RANBP2: variants seen among roughly 807,000 people sequenced by gnomAD.
RANBP2 encodes the protein E3 SUMO-protein ligase RanBP2.
A neutral mutation model predicts 303.6 loss-of-function variants in RANBP2; 57 were observed. The observed-to-expected ratio is 0.19, with a 90% confidence interval of 0.15 to 0.23. The LOEUF (loss-of-function observed/expected upper bound fraction) is 0.23. Ranked by LOEUF, RANBP2 falls within the 10% of genes least tolerant of loss-of-function variation. RANBP2 has a pLI of 1.00. For synonymous variants in RANBP2, 1,167 were observed against 1,301.5 expected (o/e 0.90, Z 2.23); for missense variants, 3,138 against 3,780.8 (o/e 0.83, Z 4.46).
At chr2:109,733,770 G>A in the RANBP2 span, among the ~76,000 whole-genome samples, 1 of 151,920 alleles carries the variant, frequency 6.6e-6, no homozygotes, top group African/African-American at 2.4e-5. Context: ...TACCCAGGAG[G>A]CTGAGGTGGG....
At chr2:109,149,674 C>T in the RANBP2 span, among the ~76,000 whole-genome samples, 1 of 152,176 alleles carries the variant, frequency 6.6e-6, no homozygotes, top group Non-Finnish European at 1.5e-5. Flanking sequence ...GTGGCAGCAG[C>T]AACGTTGCAG....
chr2:108,764,386 A>T lies in RANBP2; in HGVS notation c.3847A>T (p.Ile1283Phe). Reference sequence around the variant, plus strand: ...GTTGCCAAAACCAGAACAACTTGCTATTAGGTTCAAAACTCCTGAGGAAGC... The same window carrying T: ...GTTGCCAAAACCAGAACAACTTGCTTTTAGGTTCAAAACTCCTGAGGAAGC... ...DELPKPEQLA[I>F]RFKTPEEAAL... The change falls in exon 20 of 29, where the codon ATT (isoleucine) becomes TTT (phenylalanine). Residue 1283 changes from isoleucine to phenylalanine, a missense_variant. Transcript: ENST00000283195. 1 of 1,613,996 alleles carries T rather than the reference A, an allele frequency of 6.2e-7. No homozygotes were observed.
the RANBP2 span, among the ~76,000 whole-genome samples, chr2:109,678,219 T>C: frequency 4.6e-5 from 7 of 152,256 alleles, no homozygotes; most frequent in South Asian, 8.3e-4. Context: ...GCTCAGATTA[T>C]ATAATTTTTT....
the RANBP2 span, chr2:109,574,770 G>A: frequency 6.4e-7 from 1 of 1,560,062 alleles, no homozygotes; most frequent in African/African-American, 1.4e-5. Context: ...GTTGGTAGCT[G>A]AAAAATTATT....
chr2:109,196,209 C>G, the RANBP2 span, among the ~76,000 whole-genome samples: 2 of 152,202 alleles, frequency 1.3e-5, no homozygotes, highest in Admixed American at 6.5e-5. Flanking sequence ...ACCCTTGAGG[C>G]CATGTCGGGG....
chr2:109,711,755 C>A, the RANBP2 span, among the ~76,000 whole-genome samples: 1 of 152,160 alleles, frequency 6.6e-6, no homozygotes, highest in Admixed American at 6.6e-5. Flanking sequence ...TTATGAGGGG[C>A]CTTTCCACAC....
the RANBP2 span, among the ~76,000 whole-genome samples, chr2:109,243,127 C>A: frequency 1.3e-5 from 2 of 152,218 alleles, no homozygotes; most frequent in Non-Finnish European, 2.9e-5. Flanking sequence ...TTCAGGCAGA[C>A]AATTGGGAGC....
the RANBP2 span, among the ~76,000 whole-genome samples, chr2:109,111,171 T>C: frequency 6.6e-6 from 1 of 152,332 alleles, no homozygotes; most frequent in Non-Finnish European, 1.5e-5. Context: ...TGGACCAGCA[T>C]TCTTTATCAT....
At chr2:109,098,002 G>A in the RANBP2 span, among the ~76,000 whole-genome samples, 7 of 152,154 alleles carry the variant, frequency 4.6e-5, no homozygotes, top group African/African-American at 1.7e-4. Context: ...CCTTCCCCTG[G>A]AAGGCAAAGC....
At chr2:109,698,903 A>G in the RANBP2 span, among the ~76,000 whole-genome samples, 1 of 152,244 alleles carries the variant, frequency 6.6e-6, no homozygotes, top group African/African-American at 2.4e-5. Context: ...AGCCTGGGCA[A>G]CACAGTGAGA....
chr2:109,632,825 A>C, the RANBP2 span, among the ~76,000 whole-genome samples: 24,992 of 151,762 alleles, frequency 0.16, 2,598 homozygotes, highest in African/African-American at 0.29. Flanking sequence ...TCTCAAAAAA[A>C]AAAACAAAAC....
chr2:109,650,022 G>C, the RANBP2 span, among the ~76,000 whole-genome samples: 1 of 152,176 alleles, frequency 6.6e-6, no homozygotes, highest in Non-Finnish European at 1.5e-5. Context: ...AAGTTTCTCA[G>C]AACAGTCTCA....
the RANBP2 span, among the ~76,000 whole-genome samples, chr2:109,299,088 G>T: frequency 6.6e-6 from 1 of 152,132 alleles, no homozygotes; most frequent in African/African-American, 2.4e-5. Flanking sequence ...CAAGCCACTG[G>T]GCAGGCTCCC....
chr2:109,497,703 G>GA, the RANBP2 span, among the ~76,000 whole-genome samples: 2 of 152,230 alleles, frequency 1.3e-5, no homozygotes, highest in African/African-American at 2.4e-5. Flanking sequence ...GATCTGGACA[G>GA]AAACGTTAAA....
At chr2:108,880,095 C>T in the RANBP2 span, among the ~76,000 whole-genome samples, 2 of 151,180 alleles carry the variant, frequency 1.3e-5, no homozygotes, top group Non-Finnish European at 2.9e-5. Flanking sequence ...TTTTAAAAAA[C>T]AGAAATCAAT....
chr2:109,443,608 A>G, the RANBP2 span, among the ~76,000 whole-genome samples: 1 of 152,252 alleles, frequency 6.6e-6, no homozygotes, highest in African/African-American at 2.4e-5. Flanking sequence ...TGGAGTGGTT[A>G]TCTTAATCAG....
At chr2:109,280,109 GT>G in the RANBP2 span, among the ~76,000 whole-genome samples, 1 of 152,096 alleles carries the variant, frequency 6.6e-6, no homozygotes, top group African/African-American at 2.4e-5. Flanking sequence ...TTTTCTGCAT[GT>G]TTTTTGGGGG....
the RANBP2 span, among the ~76,000 whole-genome samples, chr2:109,212,362 G>A: frequency 2.6e-5 from 4 of 152,226 alleles, no homozygotes; most frequent in Admixed American, 2.0e-4. Context: ...GTAGGGGACT[G>A]CTTTGGCTGG....
chr2:109,347,062 G>A, the RANBP2 span, among the ~76,000 whole-genome samples: 1 of 152,192 alleles, frequency 6.6e-6, no homozygotes, highest in Non-Finnish European at 1.5e-5. Flanking sequence ...GGAACGCTCA[G>A]CACGACGGAT....
Sources: gnomAD v4.1 joint callset for allele counts (sites outside exome capture counted in the v4.1 genomes callset) on GRCh38, gnomAD v4.1.1 for gene constraint, MANE v1.5 for transcripts, NCBI Gene and HGNC (gene_info 2026-07-23, HGNC 2026-07-21) for gene names.